The following GPC5 variants were observed in gnomAD, a reference collection of about 807,000 sequenced individuals.
The protein encoded by GPC5 is glypican 5, also known as glypican-5.
In GPC5, 47 loss-of-function variants were observed where a neutral mutation model predicts 53.9. The observed-to-expected ratio is 0.87, with a 90% CI of 0.69 to 1.11. The LOEUF (loss-of-function observed/expected upper bound fraction) is 1.11, where lower values mean the gene tolerates loss of function less well. Ranked by LOEUF, GPC5 falls within the 50% of genes most tolerant of loss-of-function variation. The pLI is 0.00. For synonymous variants in GPC5, 286 were observed against 263.3 expected, an observed-to-expected ratio of 1.09 and a Z score of -0.84; for missense variants, 748 against 713.1, an observed-to-expected ratio of 1.05 and a Z score of -0.56.
intron 7 of GPC5, among the ~76,000 whole-genome samples, chr13:92,773,685 C>G (rs539278595): frequency 2.0e-4 from 31 of 152,262 alleles, no homozygotes; most frequent in African/African-American, 7.0e-4. Flanking sequence ...AACTAGTTTT[C>G]TTGCCACTTG....
intron 2 of GPC5, among the ~76,000 whole-genome samples, chr13:91,564,050 C>T (rs1236457307): frequency 6.6e-6 from 1 of 152,068 alleles, no homozygotes; most frequent in South Asian, 2.1e-4. Context: ...ATTCTTGGCA[C>T]CCTATCTAGG....
intron 7 of GPC5, among the ~76,000 whole-genome samples, chr13:92,410,741 G>A (rs1431463979): frequency 1.3e-5 from 2 of 152,150 alleles, no homozygotes; most frequent in Non-Finnish European, 2.9e-5. Flanking sequence ...GGATTAAATT[G>A]TTCTCCTCAA....
At chr13:91,942,773 G>T (rs2139047540) in intron 6 of GPC5, among the ~76,000 whole-genome samples, 1 of 152,142 alleles carries the variant, frequency 6.6e-6, no homozygotes, top group Non-Finnish European at 1.5e-5. Context: ...ATAAGTTGGT[G>T]CCTTTTGTCA....
At chr13:92,390,578 T>C (rs1339077105) in intron 7 of GPC5, among the ~76,000 whole-genome samples, 8 of 152,148 alleles carry the variant, frequency 5.3e-5, no homozygotes, top group Non-Finnish European at 4.4e-5. Flanking sequence ...CCCTCTGCAC[T>C]GGGCTCCTAC....
chr13:92,149,957 A>T (rs1475181220), intron 7 of GPC5, among the ~76,000 whole-genome samples: 1 of 152,022 alleles, frequency 6.6e-6, no homozygotes, highest in Non-Finnish European at 1.5e-5. Flanking sequence ...ATACTTTAAA[A>T]TATGTTTATT....
chr13:91,803,332 G>T (rs1229518893), intron 5 of GPC5, among the ~76,000 whole-genome samples: 1 of 152,010 alleles, frequency 6.6e-6, no homozygotes, highest in East Asian at 1.9e-4. Flanking sequence ...GATCATCTTT[G>T]TATTTTAATA....
At chr13:92,279,558 G>A (rs12873488) in intron 7 of GPC5, among the ~76,000 whole-genome samples, 1,845 of 151,906 alleles carry the variant, frequency 0.012, 37 homozygotes, top group Middle Eastern at 0.044. Context: ...TCTTGTTCCT[G>A]ACCCTAAAAG....
At chr13:92,821,758 T>A (rs1038780616) in intron 7 of GPC5, among the ~76,000 whole-genome samples, 3 of 152,130 alleles carry the variant, frequency 2.0e-5, no homozygotes, top group Admixed American at 6.6e-5. Context: ...GTTCTATATA[T>A]CAGTTAACTT....
At chr13:91,933,455 G>C (rs553279489) in intron 6 of GPC5, among the ~76,000 whole-genome samples, 1 of 152,020 alleles carries the variant, frequency 6.6e-6, no homozygotes, top group South Asian at 2.1e-4. Flanking sequence ...AAAGATAAAA[G>C]AGTTCCATTT....
At chr13:92,407,248 T>G (rs1363228193) in intron 7 of GPC5, among the ~76,000 whole-genome samples, 6 of 152,160 alleles carry the variant, frequency 3.9e-5, no homozygotes, top group Admixed American at 6.6e-5. Flanking sequence ...CCAAATTATG[T>G]GTGAAAGAGG....
chr13:92,646,930 A>ATGTGTGTGTGTGTGTGTGTGTGTG (rs753380099), intron 7 of GPC5, among the ~76,000 whole-genome samples: 4 of 146,502 alleles, frequency 2.7e-5, no homozygotes, highest in Non-Finnish European at 5.9e-5. Flanking sequence ...ATATATAAAC[A>ATGTGTGTGTGTGTGTGTGTGTGTG]TGTGTGTGTG....
At chr13:91,631,313 T>C (rs1459242689) in intron 2 of GPC5, among the ~76,000 whole-genome samples, 1 of 152,128 alleles carries the variant, frequency 6.6e-6, no homozygotes, top group African/African-American at 2.4e-5. Flanking sequence ...CTTGACGCTA[T>C]GCTTTAGGAA....
chr13:92,159,593 C>CTTTTTTTTTTTTTTT (rs71120074), intron 7 of GPC5, among the ~76,000 whole-genome samples: 3 of 57,218 alleles, frequency 5.2e-5, no homozygotes, highest in Non-Finnish European at 1.0e-4. Flanking sequence ...TACCAATGTT[C>CTTTTTTTTTTTTTTT]TTTTTTTTTT....
intron 2 of GPC5, among the ~76,000 whole-genome samples, chr13:91,532,058 A>G (rs1366997459): frequency 6.6e-6 from 1 of 152,232 alleles, no homozygotes; most frequent in East Asian, 1.9e-4. Flanking sequence ...TGGGAATTAA[A>G]CAAGTGATTG....
intron 6 of GPC5, among the ~76,000 whole-genome samples, chr13:91,979,419 A>G (rs75976423): frequency 0.024 from 3,610 of 152,318 alleles, 144 homozygotes; most frequent in African/African-American, 0.082. Flanking sequence ...TGTCCTGCTG[A>G]TAATGTGTTA....
At chr13:92,326,395 A>T (rs2043251263) in intron 7 of GPC5, among the ~76,000 whole-genome samples, 1 of 152,066 alleles carries the variant, frequency 6.6e-6, no homozygotes, top group South Asian at 2.1e-4. Flanking sequence ...AATTTTTCTC[A>T]ATTTACTAAT....
chr13:92,252,746 A>G (rs1443070424), intron 7 of GPC5, among the ~76,000 whole-genome samples: 1 of 152,168 alleles, frequency 6.6e-6, no homozygotes, highest in Non-Finnish European at 1.5e-5. Flanking sequence ...ATGCACAGTT[A>G]AAAACAGCAA....
chr13:92,666,470 T>C (rs75282645), intron 7 of GPC5, among the ~76,000 whole-genome samples: 36,083 of 151,998 alleles, frequency 0.24, 4,958 homozygotes, highest in South Asian at 0.39. Context: ...ATGTTTTTTG[T>C]TCTAATTAAA....
chr13:92,706,744 T>C (rs1027111663), intron 7 of GPC5, among the ~76,000 whole-genome samples: 3 of 152,156 alleles, frequency 2.0e-5, no homozygotes, highest in Admixed American at 1.3e-4. Context: ...AGCATTCACA[T>C]AGCCTATTAC....
Sources: gnomAD v4.1 joint callset for allele counts (sites outside exome capture counted in the v4.1 genomes callset) on GRCh38, gnomAD v4.1.1 for gene constraint, MANE v1.5 for transcripts, NCBI Gene and HGNC (gene_info 2026-07-23, HGNC 2026-07-21) for gene names.